Variants in MARCHF1 observed in about 807,000 individuals in gnomAD.
MARCHF1 encodes the protein E3 ubiquitin-protein ligase MARCHF1.
Under a neutral mutation model 54.2 loss-of-function variants are expected in MARCHF1, and 40 were observed. The ratio of observed to expected loss-of-function variants is 0.74; its 90% CI spans 0.57 to 0.96. The LOEUF is 0.96. MARCHF1 is among the 40% of genes least tolerant of loss of function. MARCHF1 has a pLI of 0.00. For missense variants in MARCHF1, 586 were observed against 656.5 expected (o/e 0.89, Z 1.17); for synonymous variants, 236 against 236.3 (o/e 1.00, Z 0.01).
chr4:164,241,127 A>G (rs1732731679), intron 1 of MARCHF1, among the ~76,000 whole-genome samples: 1 of 152,088 alleles, frequency 6.6e-6, no homozygotes, highest in Admixed American at 6.5e-5. Flanking sequence ...GAATCGTACC[A>G]AGGAACTGAC....
intron 1 of MARCHF1, among the ~76,000 whole-genome samples, chr4:164,245,181 TTGA>T (rs1732905213): frequency 6.6e-6 from 1 of 152,152 alleles, no homozygotes; most frequent in African/African-American, 2.4e-5. Context: ...ACCAATATCC[TTGA>T]TGAACATTGA....
intron 1 of MARCHF1, among the ~76,000 whole-genome samples, chr4:164,288,863 A>AG (rs1560988882): frequency 6.6e-6 from 1 of 152,086 alleles, no homozygotes; most frequent in African/African-American, 2.4e-5. Flanking sequence ...ATTGACTCTC[A>AG]GCAAGGTATA....
chr4:163,819,632 A>T (rs1209379244), intron 4 of MARCHF1, among the ~76,000 whole-genome samples: 1 of 152,068 alleles, frequency 6.6e-6, no homozygotes, highest in East Asian at 1.9e-4. Context: ...TCCGAATCCA[A>T]ATCTCCATAT....
At chr4:164,322,564 A>G (rs1326451219) in intron 1 of MARCHF1, among the ~76,000 whole-genome samples, 1 of 152,046 alleles carries the variant, frequency 6.6e-6, no homozygotes, top group East Asian at 1.9e-4. Flanking sequence ...TTTTAAATAA[A>G]TAATGTAACT....
intron 8 of MARCHF1, among the ~76,000 whole-genome samples, chr4:163,574,163 T>G (rs1739953687): frequency 6.6e-6 from 1 of 152,126 alleles, no homozygotes; most frequent in South Asian, 2.1e-4. Context: ...TGGGGTTGTT[T>G]GTTTTTTCCT....
rs189344688 is a variant in MARCHF1 at position 164,288,179 on chromosome 4, G to T, written c.-323+95691C>A. ...TAACGCTGAGGTCTGGGTATTCATA[G>T]GGTTTAGAAATAGCCAGTGATACTG... On this transcript the variant is annotated intron_variant, in intron 1 of 9. Coordinates refer to ENST00000514618, the MANE Select transcript of MARCHF1 (RefSeq NM_001394959.1). 2.7e-4 allele frequency among the ~76,000 whole-genome samples: 41 copies of T among 151,384 alleles called. No homozygotes were observed. The East Asian group carries it at 7.4e-3, about 27-fold the overall frequency.
chr4:164,249,764 TAAAA>T (rs5863672), intron 1 of MARCHF1, among the ~76,000 whole-genome samples: 1 of 143,614 alleles, frequency 7.0e-6, no homozygotes, highest in Non-Finnish European at 1.5e-5. Flanking sequence ...CGGTTAGGAT[TAAAA>T]AAAAAAAAAA....
At chr4:164,336,144 A>C (rs901691270) in intron 1 of MARCHF1, among the ~76,000 whole-genome samples, 1 of 152,162 alleles carries the variant, frequency 6.6e-6, no homozygotes, top group Non-Finnish European at 1.5e-5. Context: ...CCAGACCACC[A>C]AGGGGGAAAA....
chr4:164,037,078 C>A (rs754472324), intron 2 of MARCHF1, among the ~76,000 whole-genome samples: 1 of 152,068 alleles, frequency 6.6e-6, no homozygotes, highest in Non-Finnish European at 1.5e-5. Context: ...GGGGCTTGAA[C>A]AATTGAACAG....
chr4:164,239,024 A>G (rs1732649119), intron 1 of MARCHF1, among the ~76,000 whole-genome samples: 1 of 152,036 alleles, frequency 6.6e-6, no homozygotes, highest in Non-Finnish European at 1.5e-5. Context: ...GTGAATACCT[A>G]TGGATCACCA....
At chr4:164,203,551 G>T (rs1212483228) in intron 1 of MARCHF1, among the ~76,000 whole-genome samples, 1 of 152,108 alleles carries the variant, frequency 6.6e-6, no homozygotes, top group Non-Finnish European at 1.5e-5. Flanking sequence ...ACATTAAGGA[G>T]GGTAATCTGC....
intron 5 of MARCHF1, among the ~76,000 whole-genome samples, chr4:163,695,878 T>C (rs1744613056): frequency 6.6e-6 from 1 of 152,272 alleles, no homozygotes. Flanking sequence ...GGAACCTATT[T>C]GTGAGTAATA....
intron 3 of MARCHF1, among the ~76,000 whole-genome samples, chr4:163,986,896 T>C (rs1312567602): frequency 6.6e-6 from 1 of 152,182 alleles, no homozygotes; most frequent in African/African-American, 2.4e-5. Flanking sequence ...ACAATGTTGT[T>C]TTCTTTTCCA....
rs1297299039 is a variant in MARCHF1, at chr4:164,005,367, A to G, written c.-247-16658T>C. ...GTTTTAAAACAGCAGTGTAGAAGGA[A>G]GCTAGCTTCACTCCCCTTGCCAAAA... On this transcript the variant is annotated intron_variant, in intron 2 of 9. Transcript: ENST00000514618. Among the ~76,000 whole-genome samples the G allele has an allele frequency of 2.8e-4, 42 of 152,142 alleles. 1 individual carries two copies. Among genetic ancestry groups the G allele is most frequent in the Admixed American group, 2.8e-3 (42 of 15,266 alleles).
intron 8 of MARCHF1, among the ~76,000 whole-genome samples, chr4:163,576,491 T>C (rs1740041449): frequency 6.6e-6 from 1 of 152,080 alleles, no homozygotes; most frequent in African/African-American, 2.4e-5. Context: ...ATGTTCTGTG[T>C]GTATATGAGA....
At chr4:164,336,297 G>A (rs1729737440) in intron 1 of MARCHF1, among the ~76,000 whole-genome samples, 1 of 152,032 alleles carries the variant, frequency 6.6e-6, no homozygotes, top group Non-Finnish European at 1.5e-5. Context: ...AAGTAACATT[G>A]GTATTTGGTT....
At chr4:164,034,451 C>G (rs1229677484) in intron 2 of MARCHF1, among the ~76,000 whole-genome samples, 1 of 152,050 alleles carries the variant, frequency 6.6e-6, no homozygotes, top group African/African-American at 2.4e-5. Flanking sequence ...TACCATTCAA[C>G]CCAGTAATCC....
At chr4:163,643,327 C>CAAAAATAAAAATATAAATAAAAAT (rs1742630871) in intron 5 of MARCHF1, among the ~76,000 whole-genome samples, 1 of 138,012 alleles carries the variant, frequency 7.2e-6, no homozygotes, top group Non-Finnish European at 1.6e-5. Flanking sequence ...GACCCTGTCT[C>CAAAAATAAAAATATAAATAAAAAT]AAAAATAAAA....
chr4:163,817,389 G>T (rs1579310597), intron 4 of MARCHF1, among the ~76,000 whole-genome samples: 1 of 147,982 alleles, frequency 6.8e-6, no homozygotes, highest in Non-Finnish European at 1.5e-5. Context: ...ATATACACAT[G>T]CATATATACA....
Sources: gnomAD v4.1 joint callset for allele counts (sites outside exome capture counted in the v4.1 genomes callset) on GRCh38, gnomAD v4.1.1 for gene constraint, MANE v1.5 for transcripts, NCBI Gene and HGNC (gene_info 2026-07-23, HGNC 2026-07-21) for gene names.